Variants in KIAA0825 observed in about 807,000 individuals in gnomAD.
KIAA0825 encodes KIAA0825.
KIAA0825 carries 119 observed loss-of-function variants against 147.6 expected under a neutral mutation model. The observed-to-expected ratio is 0.81, with a 90% CI of 0.69 to 0.94. The LOEUF (loss-of-function observed/expected upper bound fraction) is 0.94, where lower values mean the gene tolerates loss of function less well. Among genes scored for constraint, KIAA0825 ranks in the 40% least tolerant of loss-of-function variants. The probability of loss-of-function intolerance (pLI) is 0.00; values close to 1 mark genes in which losing one functional copy is unlikely to be tolerated. For synonymous variants in KIAA0825, 470 were observed against 518.1 expected, an observed-to-expected ratio of 0.91 and a Z score of 1.26; for missense variants, 1,381 against 1,472.7, an observed-to-expected ratio of 0.94 and a Z score of 1.02.
chr5:94,529,236 GTATATATACATATA>G (rs1561267765), intron 3 of KIAA0825, among the ~76,000 whole-genome samples: 14 of 127,668 alleles, frequency 1.1e-4, no homozygotes, highest in African/African-American at 3.6e-4. Flanking sequence ...TCATATATAT[GTATATATACATATA>G]TATGTATATA....
At chr5:94,228,940 C>A (rs1033913421) in intron 20 of KIAA0825, among the ~76,000 whole-genome samples, 1 of 152,136 alleles carries the variant, frequency 6.6e-6, no homozygotes, top group Non-Finnish European at 1.5e-5. Context: ...GGACTCTGAC[C>A]ATTCCAGGCC....
intron 20 of KIAA0825, among the ~76,000 whole-genome samples, chr5:94,312,196 G>A (rs561293906): frequency 6.6e-6 from 1 of 151,444 alleles, no homozygotes; most frequent in African/African-American, 2.4e-5. Context: ...GATATAGTTT[G>A]TTTATCCAGT....
chr5:94,519,019 A>C (rs984327673), intron 5 of KIAA0825, among the ~76,000 whole-genome samples: 3 of 152,108 alleles, frequency 2.0e-5, no homozygotes, highest in Non-Finnish European at 2.9e-5. Flanking sequence ...TTTAAAATTT[A>C]TGTGTTAACA....
chr5:94,389,405 G>T (rs1286111048), intron 18 of KIAA0825, among the ~76,000 whole-genome samples: 1 of 152,126 alleles, frequency 6.6e-6, no homozygotes, highest in African/African-American at 2.4e-5. Context: ...CTTGAACCTG[G>T]TGCCAACCCC....
chr5:94,188,039 C>T (rs1481596833), intron 20 of KIAA0825, among the ~76,000 whole-genome samples: 1 of 152,140 alleles, frequency 6.6e-6, no homozygotes. Context: ...AAAGAGACCC[C>T]AGAGAGATTT....
At chr5:94,462,155 T>A (rs1012191086) in intron 12 of KIAA0825, among the ~76,000 whole-genome samples, 8 of 151,918 alleles carry the variant, frequency 5.3e-5, no homozygotes, top group East Asian at 3.8e-4. Context: ...ATCAGCTGAA[T>A]GGGATTGACC....
At chr5:94,387,570 C>T (rs1279027995) in intron 18 of KIAA0825, among the ~76,000 whole-genome samples, 2 of 152,034 alleles carry the variant, frequency 1.3e-5, no homozygotes, top group East Asian at 3.9e-4. Flanking sequence ...TGGTGGGCAC[C>T]TGTAATCCCA....
intron 20 of KIAA0825, among the ~76,000 whole-genome samples, chr5:94,363,670 G>T (rs1364509971): frequency 6.6e-6 from 1 of 152,040 alleles, no homozygotes; most frequent in African/African-American, 2.4e-5. Flanking sequence ...AGGATTGCTT[G>T]AGGCCAGATG....
intron 1 of KIAA0825, 189 bp downstream of exon 1, chr5:94,618,311 A>G (rs392632): frequency 0.04 from 6,045 of 152,478 alleles, 236 homozygotes; most frequent in African/African-American, 0.1. Flanking sequence ...TTGCGAGTGG[A>G]TAAGACGGTA....
At chr5:94,518,132 T>TAGATA (rs1767555385) in intron 5 of KIAA0825, among the ~76,000 whole-genome samples, 1 of 152,180 alleles carries the variant, frequency 6.6e-6, no homozygotes. Context: ...AGCATAAAGA[T>TAGATA]ACAGACATAG....
At chr5:94,290,985 T>G (rs1348097921) in intron 20 of KIAA0825, among the ~76,000 whole-genome samples, 3 of 152,212 alleles carry the variant, frequency 2.0e-5, no homozygotes, top group Non-Finnish European at 4.4e-5. Context: ...CAGTTGTTTG[T>G]TTTTTTCTTG....
At chr5:94,334,650 T>A (rs990799172) in intron 20 of KIAA0825, among the ~76,000 whole-genome samples, 7 of 152,016 alleles carry the variant, frequency 4.6e-5, no homozygotes, top group African/African-American at 1.4e-4. Context: ...GCCCAGCTAA[T>A]TTTTTGTATT....
chr5:94,506,878 A>G lies in KIAA0825; in HGVS notation c.970+13370T>C, dbSNP rs532204856. ...ATTGGAATAAACCAGTTTCAGTACA[A>G]ATTTATGAAATATGGATTGTAATTC... is the stretch of plus-strand genomic sequence containing the variant. On this transcript the variant is annotated intron_variant, in intron 5 of 20. Transcript: ENST00000682413. 2.0e-5 allele frequency among the ~76,000 whole-genome samples: 3 copies of G among 152,324 alleles called. No individual in the cohort carries two copies. The South Asian group carries it at 6.2e-4, about 32-fold the overall frequency.
chr5:94,605,207 T>C (rs1787271811), intron 1 of KIAA0825, among the ~76,000 whole-genome samples: 1 of 152,096 alleles, frequency 6.6e-6, no homozygotes, highest in African/African-American at 2.4e-5. Context: ...CTCTCATGAC[T>C]GAACCAGGAA....
Position 94,570,838 on chromosome 5 carries a change from T to G in KIAA0825, c.-2+11595A>C, listed in dbSNP as rs144305434. ...TCTGTACTTTCATGGGGAAGCAAAT[T>G]TGAGTACCACCCAAGTATTGACCCA... is the stretch of plus-strand genomic sequence containing the variant. On this transcript the variant is annotated intron_variant, in intron 2 of 20. Coordinates refer to ENST00000682413, the MANE Select transcript of KIAA0825 (RefSeq NM_001145678.3). Among the ~76,000 whole-genome samples, 415 of 152,268 alleles carry G rather than the reference T, an allele frequency of 2.7e-3. 3 individuals carry two copies. The highest frequency in any genetic ancestry group is 9.1e-3 in the African/African-American group (380 of 41,548).
chr5:94,425,522 T>TG (rs1291390448), intron 14 of KIAA0825, among the ~76,000 whole-genome samples: 1 of 152,122 alleles, frequency 6.6e-6, no homozygotes, highest in African/African-American at 2.4e-5. Flanking sequence ...GAGGATCACT[T>TG]GCGGCCAGGC....
Position 94,264,039 on chromosome 5 carries a change from T to C in KIAA0825, c.3711-109915A>G, listed in dbSNP as rs115801421. On this transcript the variant is annotated intron_variant, in intron 20 of 20. Coordinates refer to ENST00000682413, the MANE Select transcript of KIAA0825 (RefSeq NM_001145678.3). ...TCAAACTGTGCCAGGTTTTTCCATA[T>C]CACAGTGCCCTTGCCAGTGCAATGT... Among the ~76,000 whole-genome samples, 161 of 152,332 alleles carry C rather than the reference T, an allele frequency of 1.1e-3. 1 individual carries two copies. Among genetic ancestry groups the C allele is most frequent in the African/African-American group, 3.8e-3 (158 of 41,582 alleles).
At chr5:94,588,981 G>A (rs1783834906) in intron 1 of KIAA0825, among the ~76,000 whole-genome samples, 1 of 152,084 alleles carries the variant, frequency 6.6e-6, no homozygotes, top group Non-Finnish European at 1.5e-5. Context: ...GAGAACACAC[G>A]GACACAGGGA....
At chr5:94,337,193 A>T (rs1233727695) in intron 20 of KIAA0825, among the ~76,000 whole-genome samples, 1 of 152,066 alleles carries the variant, frequency 6.6e-6, no homozygotes, top group African/African-American at 2.4e-5. Flanking sequence ...ATAAATTTAG[A>T]AAAAAAATGA....
Sources: gnomAD v4.1 joint callset for allele counts (sites outside exome capture counted in the v4.1 genomes callset) on GRCh38, gnomAD v4.1.1 for gene constraint, MANE v1.5 for transcripts, NCBI Gene and HGNC (gene_info 2026-07-23, HGNC 2026-07-21) for gene names.